The following HRH2 variants were observed in gnomAD, a reference collection of about 807,000 sequenced individuals.
The protein encoded by HRH2 is histamine H2 receptor.
A neutral mutation model predicts 20.1 loss-of-function variants in HRH2; 4 were observed. The observed-to-expected ratio is 0.20, with a 90% CI of 0.10 to 0.45. HRH2 has a LOEUF of 0.45. HRH2 is among the 20% of genes least tolerant of loss of function. The probability of loss-of-function intolerance (pLI) is 0.99; values close to 1 mark genes in which losing one functional copy is unlikely to be tolerated. For missense variants in HRH2, 250 were observed against 461.6 expected (o/e 0.54, Z 4.20); for synonymous variants, 197 against 200.7 (o/e 0.98, Z 0.16).
chr5:175,671,033 G>T (rs1755517773), intron 1 of HRH2, among the ~76,000 whole-genome samples: 1 of 152,270 alleles, frequency 6.6e-6, no homozygotes, highest in Admixed American at 6.5e-5. Context: ...TAAGTGCCAT[G>T]TTGGAAGTAC....
rs1003361264 is a variant in HRH2 at position 175,709,121 on chromosome 5, C to A, written c.*1150C>A. 6.6e-6 allele frequency: 1 copy of A among 152,122 alleles called. No homozygotes were observed. The highest frequency in any genetic ancestry group is 6.5e-5 in the Admixed American group (1 of 15,280). The allele number at this position is 152,122 out of a possible 1,614,324, so 9.4% of individuals were successfully genotyped here. A position where few individuals can be genotyped will look rare whatever the true frequency, so the allele number is the denominator to read the frequency against. ...AGAGGGGGCTGTGGAGGGACTTCTA[C>A]CCCCAGGGCTTCTCAGTGGCATCTC... On this transcript the variant is annotated 3_prime_UTR_variant, in exon 3 of 3. Transcript: ENST00000636584.
chr5:175,684,452 G>C, intron 2 of HRH2, 143 bp downstream of exon 2: 1 of 1,203,884 alleles, frequency 8.3e-7, no homozygotes, highest in Admixed American at 2.6e-5. Context: ...ACACCCTCTT[G>C]CTTAATCCTC....
chr5:175,698,675 T>C (rs930421648), intron 2 of HRH2, among the ~76,000 whole-genome samples: 1 of 152,014 alleles, frequency 6.6e-6, no homozygotes, highest in Admixed American at 6.5e-5. Context: ...AGCTCATGAG[T>C]GTTCAGGGAT....
chr5:175,689,249 C>T (rs917642717), intron 2 of HRH2, among the ~76,000 whole-genome samples: 1 of 152,230 alleles, frequency 6.6e-6, no homozygotes, highest in Non-Finnish European at 1.5e-5. Context: ...ACGACCTCCT[C>T]TCCTGCCCCT....
intron 1 of HRH2, among the ~76,000 whole-genome samples, chr5:175,660,398 A>AGTAGGGAATCAAAAT (rs1762705242): frequency 2.0e-5 from 3 of 152,250 alleles, no homozygotes; most frequent in Non-Finnish European, 4.4e-5. Flanking sequence ...TGGAACGCCC[A>AGTAGGGAATCAAAAT]TGTGACCACC....
At chr5:175,702,122 T>A (rs1027910303) in intron 2 of HRH2, among the ~76,000 whole-genome samples, 1 of 152,218 alleles carries the variant, frequency 6.6e-6, no homozygotes, top group Non-Finnish European at 1.5e-5. Flanking sequence ...GAGGGGCTCC[T>A]GCCACTGGGC....
At chr5:175,698,758 G>A (rs916982287) in intron 2 of HRH2, among the ~76,000 whole-genome samples, 1 of 152,160 alleles carries the variant, frequency 6.6e-6, no homozygotes, top group Admixed American at 6.5e-5. Context: ...CTTTCCCTTT[G>A]TCATGGAAAA....
At chr5:175,674,869 T>C (rs1444754644) in intron 1 of HRH2, among the ~76,000 whole-genome samples, 1 of 152,112 alleles carries the variant, frequency 6.6e-6, no homozygotes, top group African/African-American at 2.4e-5. Context: ...CAGGAAGGAG[T>C]TAGACACCTG....
intron 1 of HRH2, among the ~76,000 whole-genome samples, chr5:175,676,954 C>G (rs1755780812): frequency 6.6e-6 from 1 of 152,300 alleles, no homozygotes; most frequent in South Asian, 2.1e-4. Context: ...TTGTGTGTGT[C>G]TGTATACCAC....
chr5:175,664,198 G>C (rs1443394207), intron 1 of HRH2, among the ~76,000 whole-genome samples: 1 of 152,192 alleles, frequency 6.6e-6, no homozygotes, highest in Non-Finnish European at 1.5e-5. Context: ...GGACACTTTG[G>C]CCACCTTGGG....
At chr5:175,690,795 C>T (rs1242923251) in intron 2 of HRH2, among the ~76,000 whole-genome samples, 1 of 152,188 alleles carries the variant, frequency 6.6e-6, no homozygotes, top group Non-Finnish European at 1.5e-5. Context: ...ACCGAGGTGG[C>T]CACGCATCTG....
Position 175,662,411 on chromosome 5 carries a change from T to C in HRH2, c.-526+4256T>C, listed in dbSNP as rs564829856. Among the ~76,000 whole-genome samples, 4 of 152,220 alleles carry C rather than the reference T, an allele frequency of 2.6e-5. No homozygotes were observed. In the East Asian group the frequency reaches 7.7e-4, roughly 29 times the overall value. On this transcript the variant is annotated intron_variant, in intron 1 of 2. Coordinates refer to ENST00000636584, the MANE Select transcript of HRH2 (RefSeq NM_001367711.1). The stretch of plus-strand genomic sequence containing the variant: ...CTTCCCACAATACACGGGACAGCCC[T>C]CATAACAAAAAATTATCCTGTCCCA...
At chr5:175,698,825 C>T (rs941275370) in intron 2 of HRH2, among the ~76,000 whole-genome samples, 6 of 152,174 alleles carry the variant, frequency 3.9e-5, no homozygotes, top group East Asian at 3.9e-4. Flanking sequence ...GTAAGTCCCA[C>T]GGGGTTCATT....
rs1756444181 is a variant in HRH2, at chr5:175,693,121, C to T, written c.1076+8812C>T. On this transcript the variant is annotated intron_variant, in intron 2 of 2. Coordinates refer to ENST00000636584, the MANE Select transcript of HRH2 (RefSeq NM_001367711.1). The surrounding 1 kb of genome is among the most constrained non-coding windows in gnomAD (Gnocchi z 4.4). ...CCTCTCTGAGTCCCAATTTCCCCAT[C>T]TGTAAAAGAGAGCTAAGAATTCTGG... 6.6e-6 allele frequency among the ~76,000 whole-genome samples: 1 copy of T among 152,228 alleles called. No homozygotes were observed. The highest frequency in any genetic ancestry group is 6.5e-5 in the Admixed American group (1 of 15,284).
At position 175,686,537 on chromosome 5, in the gene HRH2, G is replaced by A. The variant is rs1408066567; in HGVS notation, c.1076+2228G>A. Among the ~76,000 whole-genome samples, 3 of 152,134 alleles carry A rather than the reference G, an allele frequency of 2.0e-5. No homozygotes were observed. The highest frequency in any genetic ancestry group is 6.5e-5 in the Admixed American group (1 of 15,280). On this transcript the variant is annotated intron_variant, in intron 2 of 2. Coordinates refer to ENST00000636584, the MANE Select transcript of HRH2 (RefSeq NM_001367711.1). This position sits in a 1 kb window ranked among gnomAD's most constrained non-coding sequence, Gnocchi z 4.7. ...GCATCTTCCACCCTGTGCCACCCTCGGCCACCTGCAATTGCTCATGGTCTA... is the reference window on the plus strand; with the variant it reads ...GCATCTTCCACCCTGTGCCACCCTCAGCCACCTGCAATTGCTCATGGTCTA...
chr5:175,684,978 AC>A (rs1252812655), intron 2 of HRH2, among the ~76,000 whole-genome samples: 2 of 152,080 alleles, frequency 1.3e-5, no homozygotes, highest in African/African-American at 2.4e-5. Flanking sequence ...GGCTCTGGGT[AC>A]CCCTAAGATG....
intron 1 of HRH2, among the ~76,000 whole-genome samples, chr5:175,663,003 A>G (rs1762783707): frequency 6.6e-6 from 1 of 152,250 alleles, no homozygotes; most frequent in African/African-American, 2.4e-5. Flanking sequence ...TCAGCGCTTC[A>G]TGCCTTGTTA....
chr5:175,697,001 C>T (rs1561739245), intron 2 of HRH2, among the ~76,000 whole-genome samples: 3 of 152,228 alleles, frequency 2.0e-5, no homozygotes, highest in Non-Finnish European at 2.9e-5. Flanking sequence ...TGCTCACCAG[C>T]TGTGTGACCT....
chr5:175,671,806 T>C (rs1268660120), intron 1 of HRH2, among the ~76,000 whole-genome samples: 1 of 152,200 alleles, frequency 6.6e-6, no homozygotes, highest in Non-Finnish European at 1.5e-5. Flanking sequence ...AATGTATTTA[T>C]TATGCAGTGA....
Sources: allele counts gnomAD v4.1 joint callset (sites outside exome capture counted in the v4.1 genomes callset), GRCh38; gene constraint gnomAD v4.1.1; non-coding constraint Gnocchi (gnomAD v3.1); transcripts MANE v1.5; gene names NCBI Gene and HGNC (gene_info 2026-07-23, HGNC 2026-07-21).